Variants in HCN1 observed in about 807,000 individuals in gnomAD.
HCN1 encodes potassium/sodium hyperpolarization-activated cyclic nucleotide-gated channel 1.
HCN1 carries 13 observed loss-of-function variants against 78.9 expected under a neutral mutation model. The ratio of observed to expected loss-of-function variants is 0.16; its 90% CI spans 0.11 to 0.26. HCN1 has a LOEUF of 0.26. Ranked by LOEUF, HCN1 falls within the 10% of genes least tolerant of loss-of-function variation. The pLI is 1.00. For missense variants in HCN1, 810 were observed against 1,154.3 expected (o/e 0.70, Z 4.32); for synonymous variants, 552 against 455.5 (o/e 1.21, Z -2.70).
At chr5:45,640,253 T>C (rs1049846748) in intron 2 of HCN1, among the ~76,000 whole-genome samples, 7 of 152,170 alleles carry the variant, frequency 4.6e-5, no homozygotes, top group Non-Finnish European at 7.3e-5. Context: ...GAAGAACGGA[T>C]ACTCTCTTAT....
intron 6 of HCN1, among the ~76,000 whole-genome samples, chr5:45,276,288 A>G (rs1745056668): frequency 6.6e-6 from 1 of 152,102 alleles, no homozygotes; most frequent in East Asian, 1.9e-4. Context: ...GTTTAATGCA[A>G]AAATTCATTC....
chr5:45,597,362 T>C (rs965472560), intron 2 of HCN1, among the ~76,000 whole-genome samples: 4 of 152,190 alleles, frequency 2.6e-5, no homozygotes, highest in Admixed American at 6.5e-5. Context: ...TTGACAAAAT[T>C]CAACAGCCCT....
chr5:45,461,687 C>A (rs1741164849), intron 3 of HCN1, among the ~76,000 whole-genome samples, 159 bp downstream of exon 3: 1 of 151,968 alleles, frequency 6.6e-6, no homozygotes, highest in African/African-American at 2.4e-5. Flanking sequence ...TTGTAACCAC[C>A]CTCCACAAAC....
chr5:45,270,968 A>G lies in HCN1; in HGVS notation c.1619-3715T>C, dbSNP rs375920189. 1.1e-4 allele frequency among the ~76,000 whole-genome samples: 16 copies of G among 152,172 alleles called. No individual in the cohort carries two copies. The East Asian group carries it at 2.5e-3, about 24-fold the overall frequency. On this transcript the variant is annotated intron_variant, in intron 6 of 7. Coordinates refer to ENST00000303230, the MANE Select transcript of HCN1 (RefSeq NM_021072.4). Reference sequence around the variant, plus strand: ...TGATCTCATATAATGAATATATAACATATGTAGCATATGTTACATAGTATA... The same window carrying G: ...TGATCTCATATAATGAATATATAACGTATGTAGCATATGTTACATAGTATA...
intron 2 of HCN1, among the ~76,000 whole-genome samples, chr5:45,553,543 C>T (rs1266380471): frequency 1.3e-5 from 2 of 151,986 alleles, no homozygotes; most frequent in East Asian, 3.9e-4. Flanking sequence ...TATCCATCCC[C>T]CACCCATAGG....
At chr5:45,433,424 T>A (rs553245846) in intron 3 of HCN1, among the ~76,000 whole-genome samples, 2 of 152,112 alleles carry the variant, frequency 1.3e-5, no homozygotes, top group African/African-American at 4.8e-5. Context: ...GCTGTTTGCT[T>A]GGCAGATTTT....
At chr5:45,406,003 C>T (rs973192945) in intron 3 of HCN1, among the ~76,000 whole-genome samples, 8 of 151,878 alleles carry the variant, frequency 5.3e-5, no homozygotes, top group Non-Finnish European at 1.0e-4. Flanking sequence ...TTTAGTGATG[C>T]TTGATATCAC....
chr5:45,337,485 G>A (rs1204682712), intron 5 of HCN1, among the ~76,000 whole-genome samples: 4 of 152,104 alleles, frequency 2.6e-5, no homozygotes, highest in African/African-American at 9.7e-5. Context: ...GCAAAATGCT[G>A]TCTCTAAGCT....
At chr5:45,560,606 A>G (rs1743577751) in intron 2 of HCN1, among the ~76,000 whole-genome samples, 1 of 152,070 alleles carries the variant, frequency 6.6e-6, no homozygotes, top group South Asian at 2.1e-4. Context: ...CATTGTATTA[A>G]CAAAATTAAA....
intron 2 of HCN1, among the ~76,000 whole-genome samples, chr5:45,638,522 G>A (rs1452282404): frequency 1.3e-5 from 2 of 152,120 alleles, no homozygotes; most frequent in African/African-American, 2.4e-5. Flanking sequence ...GATCTGCCAC[G>A]GGGCGCTGAC....
At chr5:45,627,877 T>C (rs1167184271) in intron 2 of HCN1, among the ~76,000 whole-genome samples, 1 of 152,230 alleles carries the variant, frequency 6.6e-6, no homozygotes, top group Non-Finnish European at 1.5e-5. Context: ...ATCATAAATG[T>C]GGCATTTATT....
intron 4 of HCN1, among the ~76,000 whole-genome samples, chr5:45,375,127 T>C (rs1747581110): frequency 8.1e-6 from 1 of 123,078 alleles, no homozygotes; most frequent in African/African-American, 3.1e-5. Flanking sequence ...ATATTATATA[T>C]AATATATTTT....
intron 2 of HCN1, among the ~76,000 whole-genome samples, chr5:45,498,142 G>T (rs1247536164): frequency 6.6e-6 from 1 of 152,160 alleles, no homozygotes; most frequent in African/African-American, 2.4e-5. Context: ...TGCCTTGCTA[G>T]ACTGGGGAAG....
intron 2 of HCN1, among the ~76,000 whole-genome samples, chr5:45,543,529 TAAAGA>T (rs1365598614): frequency 6.6e-6 from 1 of 152,004 alleles, no homozygotes; most frequent in Non-Finnish European, 1.5e-5. Flanking sequence ...AATAACTATA[TAAAGA>T]AATTAATGAG....
chr5:45,371,996 A>ATC (rs1747381802), intron 4 of HCN1, among the ~76,000 whole-genome samples: 1 of 260 alleles, frequency 3.8e-3, no homozygotes, highest in Non-Finnish European at 0.013. Context: ...ATAATGTAAT[A>ATC]TATATAGTAT....
chr5:45,509,977 A>G (rs906208991), intron 2 of HCN1, among the ~76,000 whole-genome samples: 3 of 152,106 alleles, frequency 2.0e-5, no homozygotes, highest in African/African-American at 7.2e-5. Context: ...ATTAGACACT[A>G]AAATTATCCT....
At chr5:45,569,856 A>G (rs1342292559) in intron 2 of HCN1, among the ~76,000 whole-genome samples, 1 of 152,052 alleles carries the variant, frequency 6.6e-6, no homozygotes, top group Non-Finnish European at 1.5e-5. Flanking sequence ...CCTCATCATC[A>G]TCATCCTATG....
At chr5:45,284,455 A>G (rs1745229435) in intron 6 of HCN1, among the ~76,000 whole-genome samples, 7 of 152,148 alleles carry the variant, frequency 4.6e-5, no homozygotes, top group Admixed American at 3.3e-4. Context: ...ACAAAAATAT[A>G]TTTAGTTAAT....
intron 2 of HCN1, among the ~76,000 whole-genome samples, 179 bp from the exon 3 acceptor site, chr5:45,462,186 C>A (rs1561164175): frequency 6.6e-6 from 1 of 152,040 alleles, no homozygotes; most frequent in Non-Finnish European, 1.5e-5. Context: ...GGTTGACACT[C>A]CACTTTATGA....
Sources: gnomAD v4.1 joint callset for allele counts (sites outside exome capture counted in the v4.1 genomes callset) on GRCh38, gnomAD v4.1.1 for gene constraint, MANE v1.5 for transcripts, NCBI Gene and HGNC (gene_info 2026-07-23, HGNC 2026-07-21) for gene names.